Variants in LINGO1 observed in about 807,000 individuals in gnomAD.
LINGO1 encodes leucine-rich repeat and immunoglobulin-like domain-containing nogo receptor-interacting protein 1.
A neutral mutation model predicts 37.3 loss-of-function variants in LINGO1; 11 were observed. That is an observed-to-expected ratio of 0.29 (90% CI 0.19 to 0.49). The LOEUF (loss-of-function observed/expected upper bound fraction) is 0.49. Ranked by LOEUF, LINGO1 falls within the 20% of genes least tolerant of loss-of-function variation. LINGO1 has a pLI of 0.99. For synonymous variants in LINGO1, 387 were observed against 403.0 expected (o/e 0.96, Z 0.48); for missense variants, 585 against 878.2 (o/e 0.67, Z 4.22).
intron 3 of LINGO1, among the ~76,000 whole-genome samples, chr15:77,643,558 T>C (rs2074556303): frequency 6.6e-6 from 1 of 152,204 alleles, no homozygotes; most frequent in African/African-American, 2.4e-5. Context: ...TCCTGGCTCC[T>C]TGGCCTGCCA....
chr15:77,671,858 C>A (rs529371070), intron 3 of LINGO1, among the ~76,000 whole-genome samples: 2 of 152,356 alleles, frequency 1.3e-5, no homozygotes, highest in South Asian at 4.1e-4. Context: ...TCCTCCTACG[C>A]CACAGGGCTG....
chr15:77,730,729 T>C (rs2076146718), intron 2 of LINGO1, among the ~76,000 whole-genome samples: 1 of 152,186 alleles, frequency 6.6e-6, no homozygotes, highest in African/African-American at 2.4e-5. Flanking sequence ...CAGAGTGGCA[T>C]GGGGCCCTCT....
intron 2 of LINGO1, among the ~76,000 whole-genome samples, chr15:77,721,440 C>T (rs911687050): frequency 2.0e-5 from 3 of 152,164 alleles, no homozygotes; most frequent in Admixed American, 1.3e-4. Context: ...CCTGCCTCCC[C>T]GACCTGGTGG....
In LINGO1 at chr15:77,776,496, G is replaced by GGCAGGAAGGCAGGAAGGCAGGAAA. The variant is rs2076648054; in HGVS notation, c.-257+10372_-257+10373insTTTCCTGCCTTCCTGCCTTCCTGC. Among the ~76,000 whole-genome samples, 15 of 85,580 alleles carry GGCAGGAAGGCAGGAAGGCAGGAAA rather than the reference G, an allele frequency of 1.8e-4. 1 individual carries two copies. Among genetic ancestry groups the GGCAGGAAGGCAGGAAGGCAGGAAA allele is most frequent in the African/African-American group, 5.3e-4 (10 of 19,014 alleles). The allele number at this position is 85,580 out of a possible 152,430, so 56.1% of individuals were successfully genotyped here. A position where few individuals can be genotyped will look rare whatever the true frequency, so the allele number is the denominator to read the frequency against. The stretch of plus-strand genomic sequence containing the variant: ...AGGCAGGAAGGCAGGAAAGCAGGAA[G>GGCAGGAAGGCAGGAAGGCAGGAAA]GCAGGAAGGCAGGAAGGCAGGAAGG... On this transcript the variant is annotated intron_variant, in intron 1 of 3. Coordinates refer to the LINGO1 transcript ENST00000561686.
At chr15:77,800,917 G>C (rs2076912998) in intron 1 of LINGO1, among the ~76,000 whole-genome samples, 1 of 152,204 alleles carries the variant, frequency 6.6e-6, no homozygotes, top group African/African-American at 2.4e-5. Flanking sequence ...TGCATGAAAA[G>C]ATGTTCTATC....
chr15:77,752,033 C>G (rs1375259529), intron 1 of LINGO1, among the ~76,000 whole-genome samples: 1 of 152,350 alleles, frequency 6.6e-6, no homozygotes, highest in East Asian at 1.9e-4. Flanking sequence ...CTGTGTCTTG[C>G]CCAAGGCCAT....
intron 3 of LINGO1, among the ~76,000 whole-genome samples, chr15:77,667,388 C>T (rs902854584): frequency 7.9e-5 from 12 of 152,308 alleles, no homozygotes; most frequent in Middle Eastern, 3.4e-3. Flanking sequence ...GCCTGCTCTT[C>T]AGGCCAAGCC....
upstream of LINGO1, among the ~76,000 whole-genome samples, chr15:77,790,007 A>C (rs768439680): frequency 2.6e-5 from 4 of 152,072 alleles, no homozygotes; most frequent in Non-Finnish European, 5.9e-5. Context: ...CCTGGGCTCA[A>C]GCGATCCTCC....
intron 1 of LINGO1, among the ~76,000 whole-genome samples, chr15:77,765,064 G>A (rs971121367): frequency 6.6e-6 from 1 of 152,098 alleles, no homozygotes; most frequent in African/African-American, 2.4e-5. Context: ...AGAGGAAACA[G>A]CAACATGGTT....
chr15:77,623,992 TGTGTGAGTGGCCTTTGTGTGTGTG>T, intron 1 of LINGO1, among the ~76,000 whole-genome samples: 1 of 150,170 alleles, frequency 6.7e-6, no homozygotes. Flanking sequence ...GTGTGTGATG[TGTGTGAGTGGCCTTTGTGTGTGTG>T]GTGTGAGTGG....
At chr15:77,692,569 G>A (rs909306869) in intron 1 of LINGO1, among the ~76,000 whole-genome samples, 1 of 152,166 alleles carries the variant, frequency 6.6e-6, no homozygotes, top group Non-Finnish European at 1.5e-5. Flanking sequence ...TTGAAGTTGC[G>A]GATGCATCCG....
At chr15:77,619,741 T>TAAAATAAAATAAAATAAAAA (rs1324687505) in intron 1 of LINGO1, among the ~76,000 whole-genome samples, 24 of 142,036 alleles carry the variant, frequency 1.7e-4, no homozygotes, top group African/African-American at 6.8e-4. Context: ...TAAAATAAAA[T>TAAAATAAAATAAAATAAAAA]AAAAAAGAAA....
intron 1 of LINGO1, among the ~76,000 whole-genome samples, chr15:77,810,845 GC>G (rs371215243): frequency 2.0e-5 from 3 of 152,304 alleles, no homozygotes; most frequent in African/African-American, 7.2e-5. Context: ...CTGGCAGAGG[GC>G]ACTCATTCTG....
chr15:77,664,167 G>GCGCGCGCA (rs1441572796), intron 3 of LINGO1, among the ~76,000 whole-genome samples: 2 of 145,484 alleles, frequency 1.4e-5, no homozygotes, highest in Admixed American at 6.7e-5. Flanking sequence ...GTGTGTGTGT[G>GCGCGCGCA]TGTGCGCGCG....
rs532520011 is a variant in LINGO1 at position 77,655,897 on chromosome 15, T to C, written c.-13+21192A>G. ...TTGCTTGCCTCTGTGTAGTTTCCTG[T>C]TCTCCAAGCAGCCTTCCACTTCTGC... On this transcript the variant is annotated intron_variant, in intron 3 of 3. Coordinates refer to the LINGO1 transcript ENST00000559893. Among the ~76,000 whole-genome samples the C allele has an allele frequency of 2.3e-4, 35 of 152,344 alleles. 1 individual carries two copies. Among genetic ancestry groups the C allele is most frequent in the Admixed American group, 1.8e-3 (28 of 15,312 alleles).
At chr15:77,617,370 AG>A (rs1193107617) in intron 1 of LINGO1, among the ~76,000 whole-genome samples, 2 of 126,064 alleles carry the variant, frequency 1.6e-5, no homozygotes, top group Non-Finnish European at 3.9e-5. Context: ...GAGCTGCTCC[AG>A]GGGTGGATCA....
chr15:77,628,081 G>A lies in LINGO1; in HGVS notation c.6+4229C>T, dbSNP rs74755417. ...AATACCGAGTGTTGATCAGGATGGG[G>A]TGCAATGGGGACACTCATCTCCTGC... On this transcript the variant is annotated intron_variant, in intron 1 of 1. Transcript: ENST00000355300. Among the ~76,000 whole-genome samples the A allele has an allele frequency of 2.8e-3, 420 of 152,262 alleles. 3 individuals are homozygous for A. The highest frequency in any genetic ancestry group is 1.0e-2 in the African/African-American group (414 of 41,540).
rs575184121 is a variant in LINGO1, at chr15:77,706,987, G to A, written c.-194-16086C>T. Among the ~76,000 whole-genome samples the A allele has an allele frequency of 3.3e-5, 5 of 152,372 alleles. No individual in the cohort carries two copies. The East Asian group carries it at 7.7e-4, about 24-fold the overall frequency. ...GTGGGCAATGCCCATGGCTGTGGCTGTGCCAGGATGCCACACGGATTCCCT... is the reference window on the plus strand; with the variant it reads ...GTGGGCAATGCCCATGGCTGTGGCTATGCCAGGATGCCACACGGATTCCCT... On this transcript the variant is annotated intron_variant, in intron 2 of 3. Transcript: ENST00000561686.
intron 3 of LINGO1, among the ~76,000 whole-genome samples, chr15:77,640,288 G>A (rs1596030577): frequency 6.6e-6 from 1 of 152,214 alleles, no homozygotes; most frequent in East Asian, 1.9e-4. Flanking sequence ...CCAGCTACAT[G>A]GCAGGGGAGA....
Sources: gnomAD v4.1 joint callset for allele counts (sites outside exome capture counted in the v4.1 genomes callset) on GRCh38, gnomAD v4.1.1 for gene constraint, MANE v1.5 for transcripts, NCBI Gene and HGNC (gene_info 2026-07-23, HGNC 2026-07-21) for gene names.